The following GABBR2 variants were observed in gnomAD, a reference collection of about 807,000 sequenced individuals.
GABBR2 encodes the protein gamma-aminobutyric acid type B receptor subunit 2.
GABBR2 carries 23 observed loss-of-function variants against 105.6 expected under a neutral mutation model. That is an observed-to-expected ratio of 0.22 (90% CI 0.16 to 0.31). GABBR2 has a LOEUF of 0.31. Ranked by LOEUF, GABBR2 falls within the 10% of genes least tolerant of loss-of-function variation. GABBR2 has a pLI of 1.00. For missense variants in GABBR2, 734 were observed against 1,245.5 expected, an observed-to-expected ratio of 0.59 and a Z score of 6.18; for synonymous variants, 478 against 499.7, an observed-to-expected ratio of 0.96 and a Z score of 0.58.
intron 2 of GABBR2, among the ~76,000 whole-genome samples, chr9:98,568,050 T>C (rs958467851): frequency 1.3e-5 from 2 of 152,188 alleles, no homozygotes; most frequent in Non-Finnish European, 2.9e-5. Flanking sequence ...AGAACCTCTC[T>C]TCCCCTGAAG....
chr9:98,443,630 C>T (rs964982484), intron 7 of GABBR2, among the ~76,000 whole-genome samples: 1 of 152,204 alleles, frequency 6.6e-6, no homozygotes, highest in African/African-American at 2.4e-5. Context: ...AACATAGCCA[C>T]TTTGCCTTTC....
chr9:98,544,920 A>G (rs1314237450), intron 2 of GABBR2, among the ~76,000 whole-genome samples: 1 of 152,258 alleles, frequency 6.6e-6, no homozygotes, highest in Non-Finnish European at 1.5e-5. Context: ...ACTGTCTGTG[A>G]TTCTTCTCAC....
At chr9:98,540,993 G>T (rs954295775) in intron 3 of GABBR2, among the ~76,000 whole-genome samples, 14 of 152,078 alleles carry the variant, frequency 9.2e-5, no homozygotes, top group Non-Finnish European at 1.9e-4. Flanking sequence ...TTTTTAAATG[G>T]CCCAGCAAAT....
intron 1 of GABBR2, among the ~76,000 whole-genome samples, chr9:98,697,243 G>A (rs1453342960): frequency 1.3e-5 from 2 of 152,178 alleles, no homozygotes; most frequent in African/African-American, 2.4e-5. Context: ...TGTAATCCTA[G>A]CACTTTGGGA....
At chr9:98,467,588 C>T (rs1386263719) in intron 6 of GABBR2, among the ~76,000 whole-genome samples, 4 of 152,184 alleles carry the variant, frequency 2.6e-5, no homozygotes, top group African/African-American at 7.2e-5. Context: ...TTCTTTGTCA[C>T]GGTGCTCACA....
intron 7 of GABBR2, among the ~76,000 whole-genome samples, chr9:98,419,364 G>A (rs1378292094): frequency 6.6e-6 from 1 of 152,166 alleles, no homozygotes; most frequent in Non-Finnish European, 1.5e-5. Context: ...GCTGGGCCCA[G>A]AATTCCTCTT....
chr9:98,623,145 C>T lies in GABBR2; in HGVS notation c.322-45073G>A, dbSNP rs767311107. On this transcript the variant is annotated intron_variant, in intron 1 of 18. Transcript: ENST00000259455. The stretch of plus-strand genomic sequence containing the variant: ...TTATTTTTAAAATAAAGTCTTCAGG[C>T]GGGGCGCGGTGGCTCATGCCTGTAA... Among the ~76,000 whole-genome samples, 5 of 152,152 alleles carry T rather than the reference C, an allele frequency of 3.3e-5. 1 individual carries two copies. The highest frequency in any genetic ancestry group is 2.1e-4 in the South Asian group (1 of 4,820).
At chr9:98,331,219 T>C (rs1467852200) in intron 13 of GABBR2, among the ~76,000 whole-genome samples, 2 of 152,216 alleles carry the variant, frequency 1.3e-5, no homozygotes, top group African/African-American at 4.8e-5. Flanking sequence ...TTCATGTCTA[T>C]GTTTTTGAGC....
intron 1 of GABBR2, among the ~76,000 whole-genome samples, chr9:98,624,472 T>C (rs1829707759): frequency 6.6e-6 from 1 of 152,172 alleles, no homozygotes; most frequent in Non-Finnish European, 1.5e-5. Context: ...ATTGTTCAAA[T>C]ACTGTCTTCC....
chr9:98,482,941 C>G (rs1197519964), intron 4 of GABBR2, among the ~76,000 whole-genome samples: 1 of 152,162 alleles, frequency 6.6e-6, no homozygotes, highest in Non-Finnish European at 1.5e-5. Flanking sequence ...GCTCTTTGCT[C>G]CCATCACTCT....
intron 11 of GABBR2, among the ~76,000 whole-genome samples, chr9:98,373,776 A>C (rs994801367): frequency 1.3e-5 from 2 of 151,786 alleles, no homozygotes; most frequent in Admixed American, 1.3e-4. Context: ...AAGTAATATC[A>C]TCATTTTTAC....
chr9:98,583,104 T>C (rs1829024943), intron 1 of GABBR2, among the ~76,000 whole-genome samples: 1 of 152,198 alleles, frequency 6.6e-6, no homozygotes, highest in Non-Finnish European at 1.5e-5. Context: ...TCAGAGCTCT[T>C]GGCTAAAAGC....
At chr9:98,568,354 TG>T (rs1243795681) in intron 2 of GABBR2, among the ~76,000 whole-genome samples, 1 of 152,126 alleles carries the variant, frequency 6.6e-6, no homozygotes, top group Non-Finnish European at 1.5e-5. Context: ...GAGACAATCC[TG>T]TAACAAGGGA....
chr9:98,378,672 G>C (rs981004481), intron 11 of GABBR2, among the ~76,000 whole-genome samples: 1 of 152,200 alleles, frequency 6.6e-6, no homozygotes, highest in Admixed American at 6.5e-5. Flanking sequence ...AGGTGGCTCA[G>C]TGCACACTGA....
intron 1 of GABBR2, among the ~76,000 whole-genome samples, chr9:98,664,212 T>C: frequency 6.6e-6 from 1 of 152,168 alleles, no homozygotes; most frequent in East Asian, 1.9e-4. Context: ...CAAAATATTA[T>C]GTCAAAAACA....
chr9:98,455,751 C>T (rs1346692644), intron 6 of GABBR2, among the ~76,000 whole-genome samples: 3 of 152,184 alleles, frequency 2.0e-5, no homozygotes, highest in African/African-American at 7.2e-5. Flanking sequence ...GGGTGGAGCC[C>T]ACCGGGGCCA....
intron 12 of GABBR2, among the ~76,000 whole-genome samples, chr9:98,367,956 C>G (rs769063920): frequency 6.6e-6 from 1 of 152,122 alleles, no homozygotes; most frequent in Non-Finnish European, 1.5e-5. Context: ...TGCACATCAA[C>G]TTTACCATTT....
intron 17 of GABBR2, 57 bp from the exon 18 acceptor site, chr9:98,293,959 A>T: frequency 9.8e-7 from 1 of 1,019,834 alleles, no homozygotes; most frequent in Non-Finnish European, 1.6e-6. Context: ...TTTAAAAATC[A>T]ACAATGCAAC....
rs77115029 is a variant in GABBR2, at chr9:98,439,625, T to C, written c.1236+14356A>G. Among the ~76,000 whole-genome samples, 5 of 152,322 alleles carry C rather than the reference T, an allele frequency of 3.3e-5. No homozygotes were observed. In the East Asian group the frequency reaches 9.6e-4, roughly 29 times the overall value. On this transcript the variant is annotated intron_variant, in intron 7 of 18. Transcript: ENST00000259455. ...GACCACATATTTAGGGATGTGTGTGTGCATGCATGCATGTGAGTGTGTTTG... is the reference window on the plus strand; with the variant it reads ...GACCACATATTTAGGGATGTGTGTGCGCATGCATGCATGTGAGTGTGTTTG...
Sources: gnomAD v4.1 joint callset for allele counts (sites outside exome capture counted in the v4.1 genomes callset) on GRCh38, gnomAD v4.1.1 for gene constraint, MANE v1.5 for transcripts, NCBI Gene and HGNC (gene_info 2026-07-23, HGNC 2026-07-21) for gene names.